Variants in CSMD1 observed in about 807,000 individuals in gnomAD.
The protein encoded by CSMD1 is CUB and sushi domain-containing protein 1.
CSMD1 carries 213 observed loss-of-function variants against 417.5 expected under a neutral mutation model. That is an observed-to-expected ratio of 0.51 (90% CI 0.46 to 0.57). The LOEUF (loss-of-function observed/expected upper bound fraction) is 0.57, where lower values mean the gene tolerates loss of function less well. Ranked by LOEUF, CSMD1 falls within the 20% of genes least tolerant of loss-of-function variation. The pLI, the probability that CSMD1 is intolerant of heterozygous loss-of-function variation, is 0.00. For missense variants in CSMD1, 6,923 were observed against 4,529.7 expected, an observed-to-expected ratio of 1.53 and a Z score of -15.17; for synonymous variants, 2,862 against 1,736.8, an observed-to-expected ratio of 1.65 and a Z score of -16.11.
chr8:4,868,680 T>C (rs551092669), intron 1 of CSMD1, among the ~76,000 whole-genome samples: 35 of 152,126 alleles, frequency 2.3e-4, no homozygotes, highest in African/African-American at 8.4e-4. Flanking sequence ...AAAACACAAC[T>C]AACAGTATGG....
intron 3 of CSMD1, among the ~76,000 whole-genome samples, chr8:4,130,821 T>C (rs1803056709): frequency 6.6e-6 from 1 of 151,610 alleles, no homozygotes; most frequent in African/African-American, 2.4e-5. Flanking sequence ...GTATATATAA[T>C]ATTGTACTAT....
At chr8:3,337,766 A>C (rs887700933) in intron 23 of CSMD1, among the ~76,000 whole-genome samples, 1 of 152,314 alleles carries the variant, frequency 6.6e-6, no homozygotes, top group African/African-American at 2.4e-5. Context: ...GTAGAGAGAA[A>C]GTCAGCCTAT....
At chr8:3,260,342 A>T (rs1585835228) in intron 26 of CSMD1, among the ~76,000 whole-genome samples, 2 of 152,118 alleles carry the variant, frequency 1.3e-5, no homozygotes, top group African/African-American at 4.8e-5. Flanking sequence ...AATGGGAACC[A>T]GCAGCTGGAG....
chr8:3,726,905 G>A (rs535834292), intron 6 of CSMD1, among the ~76,000 whole-genome samples: 2 of 152,276 alleles, frequency 1.3e-5, no homozygotes, highest in South Asian at 2.1e-4. Context: ...GGAAATATCT[G>A]TTTAGCATCA....
intron 49 of CSMD1, among the ~76,000 whole-genome samples, chr8:3,062,606 G>A (rs1018941180): frequency 6.7e-6 from 1 of 148,706 alleles, no homozygotes; most frequent in African/African-American, 2.5e-5. Context: ...GAGGATAATA[G>A]GATTGAGCGA....
At chr8:4,919,878 C>G (rs1344358167) in intron 1 of CSMD1, among the ~76,000 whole-genome samples, 2 of 152,108 alleles carry the variant, frequency 1.3e-5, no homozygotes, top group Non-Finnish European at 2.9e-5. Context: ...CATTCCTTCC[C>G]TCCAGAGGGT....
At position 4,588,561 on chromosome 8, in the gene CSMD1, G is replaced by A. The variant is rs573056830; in HGVS notation, c.302+48781C>T. ...TGTAATCCCAGCCCTTTCGGAGGCC[G>A]AGTCTGGCGGATCAGCAGATCGAGA... On this transcript the variant is annotated intron_variant, in intron 2 of 69. Coordinates refer to ENST00000635120, the MANE Select transcript of CSMD1 (RefSeq NM_033225.6). Among the ~76,000 whole-genome samples the A allele has an allele frequency of 4.7e-3, 708 of 151,956 alleles. 3 individuals carry two copies. The highest frequency in any genetic ancestry group is 0.014 in the South Asian group (65 of 4,776).
intron 5 of CSMD1, among the ~76,000 whole-genome samples, chr8:3,949,638 C>T (rs1811475541): frequency 6.6e-6 from 1 of 151,768 alleles, no homozygotes; most frequent in South Asian, 2.1e-4. Flanking sequence ...ATTTTAGGTA[C>T]AAGATTGAAG....
chr8:4,166,102 T>A (rs139420880), intron 3 of CSMD1, among the ~76,000 whole-genome samples: 47 of 152,284 alleles, frequency 3.1e-4, no homozygotes, highest in East Asian at 2.1e-3. Context: ...AATGATGAGG[T>A]CATAGAGCAG....
chr8:4,716,988 C>G (rs1366560967), intron 1 of CSMD1, among the ~76,000 whole-genome samples: 2 of 151,978 alleles, frequency 1.3e-5, no homozygotes, highest in African/African-American at 2.4e-5. Context: ...TCCAAGTCTC[C>G]TGGTATAGAA....
In CSMD1 at chr8:3,254,868, A is replaced by G. The variant is rs551557615; in HGVS notation, c.4154-24637T>C. On this transcript the variant is annotated intron_variant, in intron 26 of 69. Coordinates refer to ENST00000635120, the MANE Select transcript of CSMD1 (RefSeq NM_033225.6). ...GCTAGTCTGAAGCCTTCTTCTCTCA[A>G]CTTGTCAAAGTCATTCTCCATCCAG... Among the ~76,000 whole-genome samples the G allele has an allele frequency of 2.3e-3, 343 of 151,932 alleles. 3 individuals are homozygous for G. Among genetic ancestry groups the G allele is most frequent in the African/African-American group, 8.0e-3 (331 of 41,420 alleles).
At chr8:3,710,704 G>T (rs1263534222) in intron 6 of CSMD1, among the ~76,000 whole-genome samples, 1 of 152,158 alleles carries the variant, frequency 6.6e-6, no homozygotes, top group African/African-American at 2.4e-5. Context: ...GCGACACTGT[G>T]CAGTATTTTT....
At chr8:4,017,628 A>G (rs1004766368) in intron 4 of CSMD1, among the ~76,000 whole-genome samples, 1 of 152,146 alleles carries the variant, frequency 6.6e-6, no homozygotes, top group Admixed American at 6.5e-5. Flanking sequence ...ATAACTCTAA[A>G]TTGTGTAGAA....
chr8:3,836,394 T>A (rs1167327579), intron 5 of CSMD1, among the ~76,000 whole-genome samples: 1 of 152,104 alleles, frequency 6.6e-6, no homozygotes, highest in African/African-American at 2.4e-5. Context: ...AATACAAAGA[T>A]GTTTTCTTAG....
intron 44 of CSMD1, among the ~76,000 whole-genome samples, chr8:3,108,212 T>C (rs1816269714): frequency 6.6e-6 from 1 of 152,294 alleles, no homozygotes; most frequent in African/African-American, 2.4e-5. Context: ...ACAGATGTTC[T>C]ACATATCGTT....
intron 1 of CSMD1, among the ~76,000 whole-genome samples, chr8:4,886,438 A>G (rs1335017258): frequency 6.6e-6 from 1 of 152,064 alleles, no homozygotes; most frequent in Non-Finnish European, 1.5e-5. Context: ...ATCTATATTC[A>G]TAAAAGATAT....
intron 3 of CSMD1, among the ~76,000 whole-genome samples, chr8:4,361,593 C>T (rs913702659): frequency 6.6e-6 from 1 of 152,172 alleles, no homozygotes. Context: ...AACGCAGTTG[C>T]CCTATTTTAT....
At chr8:4,724,632 A>C (rs1349340399) in intron 1 of CSMD1, among the ~76,000 whole-genome samples, 1 of 151,924 alleles carries the variant, frequency 6.6e-6, no homozygotes, top group African/African-American at 2.4e-5. Context: ...ATTTGGAAAA[A>C]ATAAATGTAA....
chr8:3,729,659 C>A (rs946219582), intron 6 of CSMD1, among the ~76,000 whole-genome samples: 2 of 149,376 alleles, frequency 1.3e-5, no homozygotes, highest in Admixed American at 1.3e-4. Context: ...GCGATGGGGG[C>A]TACCAGCGAA....
Sources: allele counts gnomAD v4.1 joint callset (sites outside exome capture counted in the v4.1 genomes callset), GRCh38; gene constraint gnomAD v4.1.1; transcripts MANE v1.5; gene names NCBI Gene and HGNC (gene_info 2026-07-23, HGNC 2026-07-21).